FBXL12: variants seen among roughly 807,000 people sequenced by gnomAD.
FBXL12 encodes F-box/LRR-repeat protein 12.
In FBXL12, 22 loss-of-function variants were observed where a neutral mutation model predicts 24.9. The ratio of observed to expected loss-of-function variants is 0.88; its 90% CI spans 0.63 to 1.26. The LOEUF (loss-of-function observed/expected upper bound fraction) is 1.26. Among genes scored for constraint, FBXL12 ranks in the 50% most tolerant of loss-of-function variants. The pLI, the probability that FBXL12 is intolerant of heterozygous loss-of-function variation, is 0.00. For synonymous variants in FBXL12, 193 were observed against 193.8 expected (o/e 1.00, Z 0.03); for missense variants, 384 against 434.1 (o/e 0.88, Z 1.03).
At position 9,810,608 on chromosome 19, in the gene FBXL12, G is replaced by T. The variant is rs1390805671; in HGVS notation, c.*288C>A. The stretch of plus-strand genomic sequence containing the variant: ...TGACTCTTCATTGAGAGCCTCTGGA[G>T]GCTGGGAGCTTTTAGAGTAAGGCTT... On this transcript the variant is annotated 3_prime_UTR_variant, in exon 3 of 3. Coordinates refer to ENST00000247977, the MANE Select transcript of FBXL12 (RefSeq NM_017703.3). 1 of 291,508 alleles carries T rather than the reference G, an allele frequency of 3.4e-6. No homozygotes were observed. The highest frequency in any genetic ancestry group is 6.5e-6 in the Non-Finnish European group (1 of 154,600). 18.1% of individuals were successfully genotyped at this position (291,508 alleles called of 1,614,324 possible).
At chr19:9,816,478 A>G (rs985405700) in intron 2 of FBXL12, among the ~76,000 whole-genome samples, 3 of 152,166 alleles carry the variant, frequency 2.0e-5, no homozygotes, top group Admixed American at 2.0e-4. Flanking sequence ...AAGTTCCACA[A>G]ATCTCTAGGG....
At chr19:9,816,856 G>T (rs1161086262) in intron 2 of FBXL12, among the ~76,000 whole-genome samples, 1 of 152,192 alleles carries the variant, frequency 6.6e-6, no homozygotes, top group South Asian at 2.1e-4. Flanking sequence ...AGAAAAAGAG[G>T]TTTAATTGAA....
intron 2 of FBXL12, among the ~76,000 whole-genome samples, chr19:9,816,495 C>A (rs550646388): frequency 6.4e-4 from 97 of 152,280 alleles, no homozygotes; most frequent in Non-Finnish European, 1.0e-3. Context: ...AGGGCAGGGG[C>A]AAAATGCCAT....
Position 9,818,855 on chromosome 19 carries a change from C to T in FBXL12, c.-42G>A. The T allele has an allele frequency of 6.6e-7, 1 of 1,525,330 alleles. No individual in the cohort carries two copies. Among genetic ancestry groups the T allele is most frequent in the South Asian group, 1.2e-5 (1 of 83,214 alleles). The allele number at this position is 1,525,330 out of a possible 1,614,324, so 94.5% of individuals were successfully genotyped here. The stretch of plus-strand genomic sequence containing the variant: ...ACTTCCGCTTCCGGTTAAAGAGACC[C>T]GAGGGGTCCTGGGGGCGCCGAGGCG... On this transcript the variant is annotated 5_prime_UTR_variant, in exon 1 of 3. Transcript: ENST00000247977.
At position 9,811,066 on chromosome 19, in the gene FBXL12, G is replaced by T; in HGVS notation, c.811C>A (p.Pro271Thr). 6.2e-7 allele frequency: 1 copy of T among 1,612,308 alleles called. No homozygotes were observed. Among genetic ancestry groups the T allele is most frequent in the Non-Finnish European group, 8.5e-7 (1 of 1,178,654 alleles). Residue 271 changes from proline to threonine, a missense_variant, in exon 3 of 3, where the codon CCC becomes ACC. Transcript: ENST00000247977. The surrounding 1 kb of genome is among the most constrained non-coding windows in gnomAD (Gnocchi z 6.0). ...GPLVTPEMPS[P>T]TEILSSCLTM... ...AGGCAGGAGGAGAGGATTTCAGTGG[G>T]GGAGGGCATTTCTGGGGTGACGAGG...
chr19:9,813,547 G>A (rs995921357), intron 2 of FBXL12: 2 of 197,348 alleles, frequency 1.0e-5, no homozygotes, highest in Non-Finnish European at 2.0e-5. Context: ...TGTTGCCCAG[G>A]CTGGAGTGCA....
chr19:9,810,893 T>C lies in FBXL12; in HGVS notation c.*3A>G, dbSNP rs769338874. The C allele has an allele frequency of 1.9e-6, 3 of 1,567,412 alleles. No homozygotes were observed. Among genetic ancestry groups the C allele is most frequent in the Admixed American group, 3.4e-5 (2 of 58,028 alleles). The stretch of plus-strand genomic sequence containing the variant: ...GGATGGGTCCCAAGGGCAGGTGGAG[T>C]AGTTACATCCACCAGTCCATAGACT... On this transcript the variant is annotated 3_prime_UTR_variant, in exon 3 of 3. Coordinates refer to ENST00000247977, the MANE Select transcript of FBXL12 (RefSeq NM_017703.3).
intron 1 of FBXL12, 34 bp from the exon 2 acceptor site, chr19:9,818,651 A>C: frequency 6.5e-7 from 1 of 1,548,712 alleles, no homozygotes; most frequent in South Asian, 1.2e-5. Context: ...GAACGACCCC[A>C]GCCCCGGGCC....
In FBXL12 at chr19:9,810,839, G is replaced by A. The variant is rs1334940471; in HGVS notation, c.*57C>T. The A allele has an allele frequency of 2.2e-5, 31 of 1,402,538 alleles. No individual in the cohort carries two copies. Among genetic ancestry groups the A allele is most frequent in the Middle Eastern group, 2.6e-4 (1 of 3,852 alleles). 86.9% of individuals were successfully genotyped at this position (1,402,538 alleles called of 1,614,324 possible). A position where few individuals can be genotyped will look rare whatever the true frequency, so the allele number is the denominator to read the frequency against. On this transcript the variant is annotated 3_prime_UTR_variant, in exon 3 of 3. Coordinates refer to ENST00000247977, the MANE Select transcript of FBXL12 (RefSeq NM_017703.3). ...TCTGCCCTCTTCAAGGTGCTGCTCAGAGGGTCTGGGGCTCAATGATGAAAA... is the reference window on the plus strand; with the variant it reads ...TCTGCCCTCTTCAAGGTGCTGCTCAAAGGGTCTGGGGCTCAATGATGAAAA...
At position 9,810,842 on chromosome 19, in the gene FBXL12, G is replaced by T; in HGVS notation, c.*54C>A. On this transcript the variant is annotated 3_prime_UTR_variant, in exon 3 of 3. Coordinates refer to ENST00000247977, the MANE Select transcript of FBXL12 (RefSeq NM_017703.3). ...GCCCTCTTCAAGGTGCTGCTCAGAGGGTCTGGGGCTCAATGATGAAAACTG... is the reference window on the plus strand; with the variant it reads ...GCCCTCTTCAAGGTGCTGCTCAGAGTGTCTGGGGCTCAATGATGAAAACTG... 2 of 1,413,376 alleles carry T rather than the reference G, an allele frequency of 1.4e-6. No homozygotes were observed. Among genetic ancestry groups the T allele is most frequent in the African/African-American group, 1.4e-5 (1 of 70,598 alleles). 87.6% of individuals were successfully genotyped at this position (1,413,376 alleles called of 1,614,324 possible). A position where few individuals can be genotyped will look rare whatever the true frequency, so the allele number is the denominator to read the frequency against.
In FBXL12 at chr19:9,812,486, G is replaced by C. The variant is rs556280980; in HGVS notation, c.160-769C>G. On this transcript the variant is annotated intron_variant, in intron 2 of 2. Transcript: ENST00000247977. Reference sequence around the variant, plus strand: ...ACAAAGGTTGCAGTGAGTCGATATCGCACCACTGCACTCCAGCCTGGGCGA... The same window carrying C: ...ACAAAGGTTGCAGTGAGTCGATATCCCACCACTGCACTCCAGCCTGGGCGA... Among the ~76,000 whole-genome samples, 12 of 127,076 alleles carry C rather than the reference G, an allele frequency of 9.4e-5. No homozygotes were observed. In the South Asian group the frequency reaches 3.0e-3, roughly 32 times the overall value. 83.4% of individuals were successfully genotyped at this position (127,076 alleles called of 152,430 possible).
intron 2 of FBXL12, among the ~76,000 whole-genome samples, chr19:9,813,027 C>T (rs2045793871): frequency 6.6e-6 from 1 of 151,926 alleles, no homozygotes; most frequent in South Asian, 2.1e-4. Context: ...GAGCCAAGAT[C>T]GTGCCGTTGC....
At chr19:9,818,127 G>A in intron 2 of FBXL12, 2 of 396,844 alleles carry the variant, frequency 5.0e-6, no homozygotes, top group Non-Finnish European at 8.9e-6. Context: ...CGAGAGGATC[G>A]CTTGAGCTTG....
intron 2 of FBXL12, 155 bp downstream of exon 2, chr19:9,818,390 G>C: frequency 1.3e-6 from 1 of 746,302 alleles, no homozygotes; most frequent in Non-Finnish European, 2.2e-6. Flanking sequence ...GGTCGAAGAG[G>C]AGCTGGTAAG....
In FBXL12 at chr19:9,818,955, C is replaced by G. The variant is rs1187800173; in HGVS notation, c.-142G>C. ...ACCTTCCTCTCGCTGGGAAGTGATT[C>G]GGTCCCAGGGCCGGACCAGCCGCGG... On this transcript the variant is annotated 5_prime_UTR_variant, in exon 1 of 3. Transcript: ENST00000247977. 1.3e-6 allele frequency: 1 copy of G among 791,376 alleles called. No homozygotes were observed. Among genetic ancestry groups the G allele is most frequent in the Non-Finnish European group, 2.0e-6 (1 of 491,738 alleles). The allele number at this position is 791,376 out of a possible 1,614,324, so 49.0% of individuals were successfully genotyped here. A position where few individuals can be genotyped will look rare whatever the true frequency, so the allele number is the denominator to read the frequency against.
intron 2 of FBXL12, among the ~76,000 whole-genome samples, chr19:9,816,184 G>A (rs12462027): frequency 0.12 from 17,799 of 152,196 alleles, 1,558 homozygotes; most frequent in African/African-American, 0.23. Context: ...TGAGATGGGA[G>A]GGGCTGCCGT....
chr19:9,811,554 C>T lies in FBXL12; in HGVS notation c.323G>A (p.Cys108Tyr), dbSNP rs1568342457. ...CATGCTCAGGTCGGCCACGTGCAGG[C>T]AGAGGCGCTTCAGGTTGGGGCACTT... Reference protein sequence around the residue: ...GQKCPNLKRLCLHVADLSMVP... With the variant: ...GQKCPNLKRLYLHVADLSMVP... The change falls in exon 3 of 3, where the codon TGC becomes TAC. Residue 108 changes from cysteine to tyrosine, a missense_variant. Physicochemically the swap from Cys to Tyr is radical, Grantham distance 194. Coordinates refer to ENST00000247977, the MANE Select transcript of FBXL12 (RefSeq NM_017703.3). This position sits in a 1 kb window ranked among gnomAD's most constrained non-coding sequence, Gnocchi z 6.0. The T allele has an allele frequency of 6.2e-7, 1 of 1,604,738 alleles. No individual in the cohort carries two copies. The highest frequency in any genetic ancestry group is 8.5e-7 in the Non-Finnish European group (1 of 1,174,202).
Position 9,811,213 on chromosome 19 carries a change from C to G in FBXL12, c.664G>C (p.Ala222Pro). Residue 222 changes from alanine (A) to proline (P), a missense_variant, in exon 3 of 3, where the codon GCC (alanine) becomes CCC (proline). Physicochemically the swap from Ala to Pro is conservative, Grantham distance 27. Coordinates refer to ENST00000247977, the MANE Select transcript of FBXL12 (RefSeq NM_017703.3). This position sits in a 1 kb window ranked among gnomAD's most constrained non-coding sequence, Gnocchi z 6.0. ...ACATCTCGGAGGTGGCGGCTGATGG[C>G]CAGCAGGGTGCTGTCGGCAGACAGG... ...CTLSADSTLL[A>P]ISRHLRDVRK... 6.2e-7 allele frequency: 1 copy of G among 1,613,440 alleles called. No homozygotes were observed. Among genetic ancestry groups the G allele is most frequent in the Non-Finnish European group, 8.5e-7 (1 of 1,179,742 alleles).
Position 9,818,936 on chromosome 19 carries a change from C to T in FBXL12, c.-123G>A. ...TAGCCGGTCGAGAAATTTGACCTTCCTCTCGCTGGGAAGTGATTCGGTCCC... is the reference window on the plus strand; with the variant it reads ...TAGCCGGTCGAGAAATTTGACCTTCTTCTCGCTGGGAAGTGATTCGGTCCC... On this transcript the variant is annotated 5_prime_UTR_variant, in exon 1 of 3. Coordinates refer to ENST00000247977, the MANE Select transcript of FBXL12 (RefSeq NM_017703.3). The T allele has an allele frequency of 4.4e-6, 4 of 910,690 alleles. No individual in the cohort carries two copies. In the South Asian group the frequency reaches 5.0e-5, roughly 11 times the overall value. The allele number at this position is 910,690 out of a possible 1,614,324, so 56.4% of individuals were successfully genotyped here.
Sources: gnomAD v4.1 joint callset for allele counts (sites outside exome capture counted in the v4.1 genomes callset) on GRCh38, gnomAD v4.1.1 for gene constraint, Gnocchi (gnomAD v3.1) non-coding constraint, MANE v1.5 for transcripts, NCBI Gene and HGNC (gene_info 2026-07-23, HGNC 2026-07-21) for gene names.